PCDHA4: variants seen among roughly 807,000 people sequenced by gnomAD.
PCDHA4 encodes the protein protocadherin alpha 4, also known as protocadherin alpha-4.
PCDHA4 carries 49 observed loss-of-function variants against 61.4 expected under a neutral mutation model. The ratio of observed to expected loss-of-function variants is 0.80; its 90% confidence interval spans 0.63 to 1.01. The LOEUF is 1.01. Among genes scored for constraint, PCDHA4 ranks in the 50% least tolerant of loss-of-function variants. PCDHA4 has a pLI of 0.00. For synonymous variants in PCDHA4, 590 were observed against 550.3 expected (o/e 1.07, Z -1.01); for missense variants, 1,254 against 1,235.8 (o/e 1.01, Z -0.22).
rs28619398 is a variant in PCDHA4 at position 140,895,037 on chromosome 5, C to T, written c.2386-83912C>T. 4.7e-3 allele frequency among the ~76,000 whole-genome samples: 720 copies of T among 152,250 alleles called. 7 individuals are homozygous for T. The highest frequency in any genetic ancestry group is 0.016 in the African/African-American group (670 of 41,558). ...TTTTCCTTTGTTTAATTGTCCCCCA[C>T]CCACACCATTCTGCTTCATATGGAC... is the stretch of plus-strand genomic sequence containing the variant. On this transcript the variant is annotated intron_variant, in intron 1 of 3. Transcript: ENST00000530339.
rs181858092 is a variant in PCDHA4 at position 140,895,275 on chromosome 5, A to G, written c.2386-83674A>G. The stretch of plus-strand genomic sequence containing the variant: ...TTTCTTTTTTTTCTTACTCAGGGAT[A>G]ATTGAATTAGGACCTTCGATTTCCC... On this transcript the variant is annotated intron_variant, in intron 1 of 3. Transcript: ENST00000530339. 2.0e-5 allele frequency among the ~76,000 whole-genome samples: 3 copies of G among 152,146 alleles called. No individual in the cohort carries two copies. The East Asian group carries it at 5.8e-4, about 29-fold the overall frequency.
At chr5:140,836,559 CCGT>C in intron 1 of PCDHA4, 1 of 1,613,740 alleles carries the variant, frequency 6.2e-7, no homozygotes, top group Non-Finnish European at 8.5e-7. Flanking sequence ...GTGCTCAGCG[CCGT>C]CCTCTGAGGG....
Position 140,848,795 on chromosome 5 carries a change from G to A in PCDHA4, c.2385+39223G>A. 3 of 1,592,816 alleles carry A rather than the reference G, an allele frequency of 1.9e-6. 1 individual carries two copies. Among genetic ancestry groups the A allele is most frequent in the Non-Finnish European group, 2.6e-6 (3 of 1,163,690 alleles). On this transcript the variant is annotated intron_variant, in intron 1 of 3. Transcript: ENST00000530339. ...GCGAGGAGCTGTGCGGGCGGAGCGC[G>A]GAGTGCAGCATCCACCTGGAGGTGA...
At chr5:140,903,725 T>C (rs2070536820) in intron 1 of PCDHA4, among the ~76,000 whole-genome samples, 1 of 152,256 alleles carries the variant, frequency 6.6e-6, no homozygotes. Context: ...TTCTCCCTAT[T>C]ATCAATTATT....
intron 1 of PCDHA4, chr5:140,823,463 C>A (rs2150126030): frequency 6.2e-7 from 1 of 1,613,428 alleles, no homozygotes; most frequent in Admixed American, 1.7e-5. Flanking sequence ...AACGCGCCGG[C>A]GCTGCTGGTG....
chr5:140,828,392 G>A, intron 1 of PCDHA4: 1 of 1,614,286 alleles, frequency 6.2e-7, no homozygotes, highest in Non-Finnish European at 8.5e-7. Context: ...GCGGAGCGCG[G>A]AGTGCAGCAT....
At chr5:140,859,755 T>C (rs1554152701) in intron 1 of PCDHA4, 1 of 153,726 alleles carries the variant, frequency 6.5e-6, no homozygotes, top group African/African-American at 2.4e-5. Flanking sequence ...TCTTTCAGTG[T>C]TAATACTCTC....
chr5:140,852,444 A>G (rs1327164540), intron 1 of PCDHA4: 1 of 183,986 alleles, frequency 5.4e-6, no homozygotes, highest in Non-Finnish European at 1.1e-5. Context: ...CGCCCAGCTA[A>G]TTTTTGTATT....
chr5:140,886,373 G>A (rs2060960480), intron 1 of PCDHA4, among the ~76,000 whole-genome samples: 2 of 152,042 alleles, frequency 1.3e-5, no homozygotes. Context: ...ACATGCCATG[G>A]TGTGCTTATC....
Position 140,946,525 on chromosome 5 carries a change from A to G in PCDHA4, c.2386-32424A>G, listed in dbSNP as rs115610574. On this transcript the variant is annotated intron_variant, in intron 1 of 3. Transcript: ENST00000530339. ...ATGTCAAAGACCTATCCGCACTCCC[A>G]TGTTCATTGCAGCATTATTCATGAT... 6.9e-3 allele frequency among the ~76,000 whole-genome samples: 1,050 copies of G among 151,290 alleles called. 19 individuals carry two copies. The highest frequency in any genetic ancestry group is 0.024 in the African/African-American group (983 of 41,050).
intron 1 of PCDHA4, chr5:140,857,466 T>C: frequency 1.9e-6 from 3 of 1,598,502 alleles, no homozygotes; most frequent in Non-Finnish European, 2.6e-6. Context: ...GGCTGCCACA[T>C]CTTCACGGTG....
intron 1 of PCDHA4, among the ~76,000 whole-genome samples, chr5:140,901,330 C>T (rs576918477): frequency 6.6e-6 from 1 of 152,108 alleles, no homozygotes; most frequent in African/African-American, 2.4e-5. Flanking sequence ...TTCTTGTAGT[C>T]GTTTTATAGT....
intron 1 of PCDHA4, among the ~76,000 whole-genome samples, chr5:140,962,347 C>A (rs191780691): frequency 1.7e-4 from 26 of 152,244 alleles, no homozygotes; most frequent in African/African-American, 5.3e-4. Flanking sequence ...AAGTAAAACT[C>A]CCCCCAATAC....
intron 1 of PCDHA4, among the ~76,000 whole-genome samples, chr5:140,910,613 C>T (rs1470911168): frequency 1.3e-5 from 2 of 152,192 alleles, no homozygotes; most frequent in Admixed American, 1.3e-4. Context: ...ACTGACTAAT[C>T]CACTCCACCA....
chr5:140,863,075 C>A (rs546237964), intron 1 of PCDHA4: 2 of 569,532 alleles, frequency 3.5e-6, no homozygotes, highest in South Asian at 1.4e-5. Context: ...GGGCTCTGCA[C>A]GGGCGAGATC....
chr5:140,860,216 T>G (rs1554153148), intron 1 of PCDHA4: 1 of 150,178 alleles, frequency 6.7e-6, no homozygotes, highest in Admixed American at 6.6e-5. Context: ...TATGTACTTA[T>G]GTATATATAA....
chr5:140,856,398 A>G, intron 1 of PCDHA4: 1 of 1,598,482 alleles, frequency 6.3e-7, no homozygotes, highest in Non-Finnish European at 8.6e-7. Flanking sequence ...CAGGTTTTCC[A>G]TGTGGACGTG....
At chr5:140,897,682 A>G (rs1397590916) in intron 1 of PCDHA4, among the ~76,000 whole-genome samples, 3 of 152,186 alleles carry the variant, frequency 2.0e-5, no homozygotes, top group Non-Finnish European at 4.4e-5. Flanking sequence ...AGCATGATTT[A>G]TAGTCCTTTG....
At chr5:140,926,854 G>C (rs1554203742) in intron 1 of PCDHA4, 3 of 1,520,530 alleles carry the variant, frequency 2.0e-6, no homozygotes, top group South Asian at 2.6e-5. Flanking sequence ...GTCACCGTTG[G>C]TGTAGCGTGT....
Sources: gnomAD v4.1 joint callset for allele counts (sites outside exome capture counted in the v4.1 genomes callset) on GRCh38, gnomAD v4.1.1 for gene constraint, MANE v1.5 for transcripts, NCBI Gene and HGNC (gene_info 2026-07-23, HGNC 2026-07-21) for gene names.